Variants in HDGFL3 observed in about 807,000 individuals in gnomAD.
HDGFL3 encodes HDGF like 3.
Under a neutral mutation model 27.6 loss-of-function variants are expected in HDGFL3, and 6 were observed. The observed-to-expected ratio is 0.22, with a 90% confidence interval of 0.12 to 0.43. The LOEUF is 0.43. HDGFL3 is among the 20% of genes least tolerant of loss of function. The probability of loss-of-function intolerance (pLI) is 1.00; values close to 1 mark genes in which losing one functional copy is unlikely to be tolerated. For synonymous variants in HDGFL3, 88 were observed against 88.9 expected, an observed-to-expected ratio of 0.99 and a Z score of 0.05; for missense variants, 207 against 250.1, an observed-to-expected ratio of 0.83 and a Z score of 1.16.
intron 1 of HDGFL3, among the ~76,000 whole-genome samples, chr15:83,164,367 C>CAAAAAAAAAAAACAAAA (rs2037138934): frequency 2.6e-5 from 1 of 38,380 alleles, no homozygotes. Context: ...TTAGAGTAAC[C>CAAAAAAAAAAAACAAAA]AAAAAAAAAA....
chr15:83,167,837 C>A (rs530888879), intron 1 of HDGFL3, among the ~76,000 whole-genome samples: 1 of 152,258 alleles, frequency 6.6e-6, no homozygotes, highest in African/African-American at 2.4e-5. Flanking sequence ...TAATAGACAA[C>A]CACAGAATAT....
At chr15:83,126,341 A>T, downstream of HDGFL3, among the ~76,000 whole-genome samples, 1 of 152,158 alleles carries the variant, frequency 6.6e-6, no homozygotes, top group East Asian at 1.9e-4. Context: ...TGCACTGGAG[A>T]CAGGAAGGTG....
intron 1 of HDGFL3, among the ~76,000 whole-genome samples, chr15:83,206,541 C>A (rs1340160617): frequency 6.6e-6 from 1 of 152,132 alleles, no homozygotes; most frequent in African/African-American, 2.4e-5. Context: ...GAAAAAGAGC[C>A]CAACGACAAC....
intron 1 of HDGFL3, chr15:83,169,269 T>A: frequency 2.3e-6 from 1 of 433,510 alleles, no homozygotes; most frequent in Non-Finnish European, 4.6e-6. Context: ...GTCAGAACAA[T>A]CAGGCAAGAG....
chr15:83,175,872 C>CA (rs565953288), intron 1 of HDGFL3, among the ~76,000 whole-genome samples: 202 of 150,652 alleles, frequency 1.3e-3, no homozygotes, highest in African/African-American at 2.4e-3. Context: ...AAACAAAAAA[C>CA]AAAAAAAAAC....
chr15:83,195,262 T>C (rs1391051332), intron 1 of HDGFL3, among the ~76,000 whole-genome samples: 1 of 152,202 alleles, frequency 6.6e-6, no homozygotes, highest in Non-Finnish European at 1.5e-5. Context: ...TTGAGGATTG[T>C]ATTTGTGACT....
rs1344478158 is a variant in HDGFL3, at chr15:83,168,482, C to T, written c.85-4407G>A. Among the ~76,000 whole-genome samples, 3 of 152,114 alleles carry T rather than the reference C, an allele frequency of 2.0e-5. No individual in the cohort carries two copies. In the South Asian group the frequency reaches 6.2e-4, roughly 31 times the overall value. ...GACTAAGGTGACATTATAACCAATT[C>T]CACAGAAATGCAAAAGATCCTCAGA... On this transcript the variant is annotated intron_variant, in intron 1 of 5. Transcript: ENST00000299633.
At chr15:83,121,942 C>T in intron 3 of HDGFL3, 2 of 1,608,556 alleles carry the variant, frequency 1.2e-6, no homozygotes, top group Non-Finnish European at 1.7e-6. Context: ...GAACCATTGG[C>T]CTATATTGGG....
intron 1 of HDGFL3, among the ~76,000 whole-genome samples, chr15:83,181,637 G>A (rs963163094): frequency 3.9e-5 from 6 of 152,062 alleles, no homozygotes; most frequent in African/African-American, 1.2e-4. Context: ...CACCACGCCC[G>A]GCTAATTTTT....
At chr15:83,113,833 T>A (rs1174749496) in exon 4 of HDGFL3, 1 of 152,248 alleles carries the variant, frequency 6.6e-6, no homozygotes, top group African/African-American at 2.4e-5. Context: ...TGCCCCATCT[T>A]ACTCCCACCC....
intron 4 of HDGFL3, among the ~76,000 whole-genome samples, chr15:83,156,491 G>T (rs1337613595): frequency 6.6e-6 from 1 of 152,116 alleles, no homozygotes; most frequent in African/African-American, 2.4e-5. Flanking sequence ...GGAAATAAAA[G>T]AACTGAATAA....
chr15:83,167,249 A>G (rs552910022), intron 1 of HDGFL3, among the ~76,000 whole-genome samples: 14 of 152,320 alleles, frequency 9.2e-5, no homozygotes, highest in African/African-American at 3.4e-4. Context: ...CTTTACGTCA[A>G]CAACAGTAAA....
At chr15:83,164,367 C>CAAAAAAAAAAAAAATAAA (rs2037138982) in intron 1 of HDGFL3, among the ~76,000 whole-genome samples, 1 of 38,380 alleles carries the variant, frequency 2.6e-5, no homozygotes, top group African/African-American at 9.9e-5. Flanking sequence ...TTAGAGTAAC[C>CAAAAAAAAAAAAAATAAA]AAAAAAAAAA....
At chr15:83,119,884 G>A (rs2035061310) in intron 3 of HDGFL3, 1 of 670,752 alleles carries the variant, frequency 1.5e-6, no homozygotes. Context: ...TCCCTAGCAT[G>A]GTGACAGCTC....
At chr15:83,184,104 A>C (rs1274767786) in intron 1 of HDGFL3, among the ~76,000 whole-genome samples, 1 of 152,218 alleles carries the variant, frequency 6.6e-6, no homozygotes, top group Admixed American at 6.5e-5. Flanking sequence ...AGTTGTGCCA[A>C]TTTGGGCACA....
chr15:83,164,341 C>G (rs780902205), intron 1 of HDGFL3, among the ~76,000 whole-genome samples: 1 of 107,978 alleles, frequency 9.3e-6, no homozygotes, highest in South Asian at 3.2e-4. Flanking sequence ...TCCGGGGAAT[C>G]TGTCCTAGTG....
chr15:83,158,193 G>T, intron 2 of HDGFL3, 152 bp from the exon 3 acceptor site: 1 of 608,384 alleles, frequency 1.6e-6, no homozygotes, highest in Non-Finnish European at 2.6e-6. Context: ...ATTACGAGGT[G>T]TTTCAGACAC....
chr15:83,175,715 C>G (rs1463252626), intron 1 of HDGFL3, among the ~76,000 whole-genome samples: 1 of 152,238 alleles, frequency 6.6e-6, no homozygotes, highest in South Asian at 2.1e-4. Flanking sequence ...AAAAAATTAG[C>G]CCGGTGTGGT....
chr15:83,115,555 T>G, exon 4 of HDGFL3: 1 of 533,710 alleles, frequency 1.9e-6, no homozygotes, highest in Non-Finnish European at 3.6e-6. Context: ...ATGGGTGGAG[T>G]TGGCCTGCTA....
Sources: allele counts gnomAD v4.1 joint callset (sites outside exome capture counted in the v4.1 genomes callset), GRCh38; gene constraint gnomAD v4.1.1; transcripts MANE v1.5; gene names NCBI Gene and HGNC (gene_info 2026-07-23, HGNC 2026-07-21).